Variants in ENPEP observed in about 807,000 individuals in gnomAD.
ENPEP encodes glutamyl aminopeptidase, also known as AP-A.
ENPEP carries 103 observed loss-of-function variants against 114.5 expected under a neutral mutation model. The observed-to-expected ratio is 0.90, with a 90% confidence interval of 0.77 to 1.06. ENPEP has a LOEUF of 1.06. Ranked by LOEUF, ENPEP falls within the 50% of genes least tolerant of loss-of-function variation. The pLI is 0.00. For synonymous variants in ENPEP, 420 were observed against 422.0 expected (o/e 1.00, Z 0.06); for missense variants, 1,196 against 1,161.3 (o/e 1.03, Z -0.43).
chr4:110,507,824 A>G (rs1725426312), intron 4 of ENPEP, among the ~76,000 whole-genome samples: 1 of 152,030 alleles, frequency 6.6e-6, no homozygotes, highest in Admixed American at 6.5e-5. Flanking sequence ...GAAATACAAA[A>G]ATTAGCCAGG....
rs754593199 is a variant in ENPEP at position 110,476,792 on chromosome 4, C to A, written c.378C>A (p.Ser126Arg). Residue 126 changes from serine (S) to arginine (R), a missense_variant, in exon 1 of 20, where the codon AGC (serine) becomes AGA (arginine). Ser to Arg is a moderately radical substitution (Grantham distance 110). Coordinates refer to ENST00000265162, the MANE Select transcript of ENPEP (RefSeq NM_001977.4). ...CCGTGAGCATCTCCATCAACCTGAG[C>A]GCTCCCACCCGGTACCTGTGGCTGC... ...TGTVSISINL[S>R]APTRYLWLHL... The A allele has an allele frequency of 2.5e-6, 4 of 1,614,146 alleles. No individual in the cohort carries two copies. Among genetic ancestry groups the A allele is most frequent in the Non-Finnish European group, 3.4e-6 (4 of 1,180,016 alleles).
At chr4:110,494,917 G>A (rs1724870300) in intron 3 of ENPEP, among the ~76,000 whole-genome samples, 1 of 152,078 alleles carries the variant, frequency 6.6e-6, no homozygotes, top group South Asian at 2.1e-4. Context: ...TGATTGATTA[G>A]GGTTTTAAAG....
intron 16 of ENPEP, 33 bp from the exon 17 acceptor site, chr4:110,549,683 T>G: frequency 6.2e-7 from 1 of 1,612,996 alleles, no homozygotes; most frequent in South Asian, 1.1e-5. Context: ...AAAAGAGTAG[T>G]TGAAATCTCT....
chr4:110,511,564 C>T (rs1725577598), intron 6 of ENPEP, among the ~76,000 whole-genome samples: 1 of 151,966 alleles, frequency 6.6e-6, no homozygotes, highest in African/African-American at 2.4e-5. Context: ...TTATTTTCTC[C>T]CATACAGTAT....
chr4:110,518,218 G>T (rs962327171), intron 8 of ENPEP, among the ~76,000 whole-genome samples: 1 of 152,190 alleles, frequency 6.6e-6, no homozygotes, highest in South Asian at 2.1e-4. Context: ...GTACATAAAA[G>T]ATGTAATAGA....
rs1226559269 is a variant in ENPEP at position 110,526,236 on chromosome 4, A to G, written c.1728-4962A>G. ...GGCTGCAGTGAGCCAAGATCATGCTACTGCACTCCAGCCTGGGTGATAGAG... is the reference window on the plus strand; with the variant it reads ...GGCTGCAGTGAGCCAAGATCATGCTGCTGCACTCCAGCCTGGGTGATAGAG... On this transcript the variant is annotated intron_variant, in intron 10 of 19. Coordinates refer to ENST00000265162, the MANE Select transcript of ENPEP (RefSeq NM_001977.4). Among the ~76,000 whole-genome samples the G allele has an allele frequency of 1.3e-5, 2 of 152,114 alleles. 1 individual carries two copies. The highest frequency in any genetic ancestry group is 4.1e-4 in the South Asian group (2 of 4,824).
chr4:110,513,127 G>A, intron 6 of ENPEP: 1 of 223,470 alleles, frequency 4.5e-6, no homozygotes, highest in Non-Finnish European at 8.7e-6. Flanking sequence ...GAAAAGTTTG[G>A]CACATATCCA....
At chr4:110,496,310 T>C (rs1724936008) in intron 3 of ENPEP, among the ~76,000 whole-genome samples, 1 of 152,010 alleles carries the variant, frequency 6.6e-6, no homozygotes, top group Non-Finnish European at 1.5e-5. Context: ...AATAATCTTA[T>C]TTTTTAAGTT....
intron 6 of ENPEP, among the ~76,000 whole-genome samples, chr4:110,511,711 A>G (rs1241610117): frequency 1.3e-5 from 2 of 152,016 alleles, no homozygotes; most frequent in South Asian, 2.1e-4. Context: ...AAATTTAATC[A>G]CATCGTTCAA....
intron 17 of ENPEP, among the ~76,000 whole-genome samples, chr4:110,551,578 T>C (rs1158856791): frequency 1.3e-5 from 2 of 152,160 alleles, no homozygotes; most frequent in Non-Finnish European, 2.9e-5. Flanking sequence ...TGTTGTATTT[T>C]CATAAAAGTA....
At chr4:110,481,625 G>A (rs1724314978) in intron 1 of ENPEP, among the ~76,000 whole-genome samples, 1 of 152,122 alleles carries the variant, frequency 6.6e-6, no homozygotes, top group African/African-American at 2.4e-5. Context: ...CCATAAACGA[G>A]CCTAACTTCC....
intron 11 of ENPEP, among the ~76,000 whole-genome samples, chr4:110,536,751 A>G (rs756209019): frequency 3.9e-5 from 6 of 152,144 alleles, no homozygotes; most frequent in Non-Finnish European, 8.8e-5. Context: ...TTTTTTTTCA[A>G]CTACCAAAAT....
At chr4:110,519,017 G>C (rs1036345053) in intron 8 of ENPEP, 1 of 450,002 alleles carries the variant, frequency 2.2e-6, no homozygotes, top group Non-Finnish European at 4.5e-6. Flanking sequence ...TGAATGATTT[G>C]TGCAACTTTC....
chr4:110,484,779 T>A (rs1196595486), intron 1 of ENPEP, among the ~76,000 whole-genome samples: 3 of 147,726 alleles, frequency 2.0e-5, no homozygotes, highest in South Asian at 2.1e-4. Flanking sequence ...ATTATATATA[T>A]ATATATTCAT....
chr4:110,521,171 A>T (rs1725972595), intron 10 of ENPEP, among the ~76,000 whole-genome samples: 1 of 152,128 alleles, frequency 6.6e-6, no homozygotes, highest in South Asian at 2.1e-4. Context: ...AACTCCCTTC[A>T]GCCTGGGCAA....
chr4:110,550,446 G>A (rs1163031532), intron 17 of ENPEP, among the ~76,000 whole-genome samples: 1 of 151,960 alleles, frequency 6.6e-6, no homozygotes, highest in East Asian at 1.9e-4. Context: ...TCTGGGACTG[G>A]GGTAGAAGTC....
intron 13 of ENPEP, among the ~76,000 whole-genome samples, chr4:110,544,102 C>T (rs544246102): frequency 6.6e-6 from 1 of 151,860 alleles, no homozygotes; most frequent in African/African-American, 2.4e-5. Context: ...GTCAGAAAAC[C>T]TTGACATATT....
At chr4:110,522,189 C>CTT (rs539673220) in intron 10 of ENPEP, among the ~76,000 whole-genome samples, 4 of 144,472 alleles carry the variant, frequency 2.8e-5, no homozygotes, top group African/African-American at 1.0e-4. Flanking sequence ...AGATAGGATT[C>CTT]TTTTTTTTTT....
intron 1 of ENPEP, among the ~76,000 whole-genome samples, chr4:110,482,232 A>G (rs969781902): frequency 6.6e-6 from 1 of 152,210 alleles, no homozygotes; most frequent in African/African-American, 2.4e-5. Context: ...GATAGAGAAG[A>G]GAGGGCACAG....
Sources: gnomAD v4.1 joint callset for allele counts (sites outside exome capture counted in the v4.1 genomes callset) on GRCh38, gnomAD v4.1.1 for gene constraint, MANE v1.5 for transcripts, NCBI Gene and HGNC (gene_info 2026-07-23, HGNC 2026-07-21) for gene names.